MAGI2: variants seen among roughly 807,000 people sequenced by gnomAD.
The protein encoded by MAGI2 is membrane associated guanylate kinase, WW and PDZ domain containing 2.
Under a neutral mutation model 133.3 loss-of-function variants are expected in MAGI2, and 35 were observed. The ratio of observed to expected loss-of-function variants is 0.26; its 90% CI spans 0.20 to 0.35. MAGI2 has a LOEUF of 0.35. MAGI2 is among the 10% of genes least tolerant of loss of function. MAGI2 has a pLI of 1.00. For synonymous variants in MAGI2, 729 were observed against 710.6 expected (o/e 1.03, Z -0.41); for missense variants, 1,636 against 1,863.4 (o/e 0.88, Z 2.25).
chr7:78,774,247 T>C (rs111794987), intron 2 of MAGI2, among the ~76,000 whole-genome samples: 4,490 of 152,252 alleles, frequency 0.029, 113 homozygotes, highest in Admixed American at 0.084. Context: ...TTGGTAATCA[T>C]TGGTTTGGAG....
At chr7:79,093,197 C>T (rs575280141) in intron 1 of MAGI2, among the ~76,000 whole-genome samples, 17 of 151,302 alleles carry the variant, frequency 1.1e-4, no homozygotes, top group African/African-American at 3.2e-4. Context: ...AAGAATGACT[C>T]ATGCTGGGAG....
intron 1 of MAGI2, among the ~76,000 whole-genome samples, chr7:79,393,035 T>C: frequency 6.6e-6 from 1 of 152,324 alleles, no homozygotes; most frequent in African/African-American, 2.4e-5. Context: ...TGATTGGTAC[T>C]CATCAAAAAA....
At chr7:79,232,264 T>C (rs1831439071) in intron 1 of MAGI2, among the ~76,000 whole-genome samples, 1 of 150,526 alleles carries the variant, frequency 6.6e-6, no homozygotes, top group Non-Finnish European at 1.5e-5. Context: ...CTTTTTTGGT[T>C]GTGTCTCTGC....
At chr7:78,079,800 G>A (rs1351427350) in intron 20 of MAGI2, among the ~76,000 whole-genome samples, 2 of 152,156 alleles carry the variant, frequency 1.3e-5, no homozygotes, top group African/African-American at 4.8e-5. Context: ...AGAAATGCCT[G>A]GGTTCCATAA....
chr7:78,194,618 A>C (rs553035084), intron 12 of MAGI2, among the ~76,000 whole-genome samples: 86 of 152,280 alleles, frequency 5.6e-4, no homozygotes, highest in African/African-American at 1.8e-3. Context: ...CCCAACCCCC[A>C]AAAATATATT....
At position 78,734,192 on chromosome 7, in the gene MAGI2, G is replaced by A. The variant is rs116547175; in HGVS notation, c.419-106953C>T. Reference sequence around the variant, plus strand: ...ATTTTTCTCTATTTCTCTCAATACAGGCATCAAATATAGCAGCATGTGATC... The same window carrying A: ...ATTTTTCTCTATTTCTCTCAATACAAGCATCAAATATAGCAGCATGTGATC... On this transcript the variant is annotated intron_variant, in intron 2 of 21. Transcript: ENST00000354212. Among the ~76,000 whole-genome samples the A allele has an allele frequency of 4.4e-3, 665 of 152,248 alleles. 4 individuals carry two copies. The highest frequency in any genetic ancestry group is 0.015 in the African/African-American group (630 of 41,566).
intron 1 of MAGI2, among the ~76,000 whole-genome samples, chr7:79,171,771 T>TATATATATATATATA (rs1554394312): frequency 3.3e-3 from 66 of 19,982 alleles, no homozygotes; most frequent in Non-Finnish European, 4.4e-3. Flanking sequence ...TATATATATA[T>TATATATATATATATA]TTTTTTTTTT....
chr7:78,546,658 C>T (rs1798868195), intron 3 of MAGI2, among the ~76,000 whole-genome samples: 1 of 141,566 alleles, frequency 7.1e-6, no homozygotes, highest in Admixed American at 7.5e-5. Flanking sequence ...TTTATCACAC[C>T]CGTTGTCAAA....
intron 9 of MAGI2, among the ~76,000 whole-genome samples, chr7:78,293,299 G>GA (rs1303193702): frequency 6.6e-6 from 1 of 152,132 alleles, no homozygotes. Context: ...CTTCTCAAAG[G>GA]AAGACATTTA....
chr7:78,248,186 A>G (rs73702350), intron 10 of MAGI2, among the ~76,000 whole-genome samples: 50 of 152,324 alleles, frequency 3.3e-4, no homozygotes, highest in African/African-American at 1.1e-3. Context: ...AAAGTGCTGA[A>G]AGTCTTTCCT....
intron 2 of MAGI2, among the ~76,000 whole-genome samples, chr7:78,963,736 A>C (rs1012225114): frequency 6.6e-6 from 1 of 152,036 alleles, no homozygotes; most frequent in Non-Finnish European, 1.5e-5. Flanking sequence ...TCCTTAAAAA[A>C]AAAGTGTGCC....
At chr7:78,372,686 C>T (rs751308556) in intron 6 of MAGI2, among the ~76,000 whole-genome samples, 1 of 152,102 alleles carries the variant, frequency 6.6e-6, no homozygotes, top group Non-Finnish European at 1.5e-5. Context: ...ATGAAAAAGT[C>T]TAGATTAATT....
chr7:79,154,913 C>T (rs1823615300), intron 1 of MAGI2, among the ~76,000 whole-genome samples: 1 of 152,164 alleles, frequency 6.6e-6, no homozygotes. Context: ...CTGTTTTGCC[C>T]ATTTGAATCT....
intron 1 of MAGI2, chr7:79,125,363 G>C (rs1178917032): frequency 2.1e-6 from 1 of 479,420 alleles, no homozygotes; most frequent in African/African-American, 2.0e-5. Context: ...AGTGGTTTCA[G>C]TGGGAATGAC....
intron 21 of MAGI2, among the ~76,000 whole-genome samples, chr7:78,052,166 A>G (rs1427241111): frequency 6.6e-6 from 1 of 152,004 alleles, no homozygotes; most frequent in Non-Finnish European, 1.5e-5. Context: ...GCCAGCTGTT[A>G]GTTTGGATTT....
At chr7:79,279,288 A>G (rs1835454994) in intron 1 of MAGI2, among the ~76,000 whole-genome samples, 1 of 152,040 alleles carries the variant, frequency 6.6e-6, no homozygotes, top group South Asian at 2.1e-4. Context: ...GGTCTGGTTA[A>G]TTCTCTTCCT....
Position 79,244,588 on chromosome 7 carries a change from TATC to T in MAGI2, c.301+208429_301+208431del, listed in dbSNP as rs1205538347. ...CAGCCATAGCCAGAGGGGAATTGCC[TATC>T]CCAGCAGCTGAAACTAGGGTTCTAG... On this transcript the variant is annotated intron_variant, in intron 1 of 21. Transcript: ENST00000354212. Among the ~76,000 whole-genome samples the T allele has an allele frequency of 2.6e-5, 4 of 152,178 alleles. No homozygotes were observed. In the East Asian group the frequency reaches 5.8e-4, roughly 22 times the overall value.
At chr7:78,927,433 G>A (rs1455517545) in intron 2 of MAGI2, among the ~76,000 whole-genome samples, 1 of 151,980 alleles carries the variant, frequency 6.6e-6, no homozygotes, top group Non-Finnish European at 1.5e-5. Flanking sequence ...TAGGAAGTTA[G>A]TGGTGAAATC....
At chr7:79,015,616 G>T (rs1022583763) in intron 1 of MAGI2, among the ~76,000 whole-genome samples, 7 of 152,136 alleles carry the variant, frequency 4.6e-5, no homozygotes, top group African/African-American at 1.7e-4. Context: ...CAATTATAGG[G>T]TCATGATTTG....
Sources: allele counts gnomAD v4.1 joint callset (sites outside exome capture counted in the v4.1 genomes callset), GRCh38; gene constraint gnomAD v4.1.1; transcripts MANE v1.5; gene names NCBI Gene and HGNC (gene_info 2026-07-23, HGNC 2026-07-21).